AIRIM: variants seen among roughly 807,000 people sequenced by gnomAD.
The protein encoded by AIRIM is AFG2 interacting ribosome maturation factor, also known as AFG2-interacting ribosome maturation factor.
the AIRIM span, chr1:37,686,162 G>A: frequency 4.7e-6 from 5 of 1,064,042 alleles, no homozygotes; most frequent in Non-Finnish European, 6.6e-6. Flanking sequence ...TCCAAGTTCA[G>A]GAACCAAAGA....
At chr1:37,687,903 A>G in the AIRIM span, among the ~76,000 whole-genome samples, 2 of 151,382 alleles carry the variant, frequency 1.3e-5, no homozygotes, top group African/African-American at 4.9e-5. Context: ...TTTCCTTTTC[A>G]TGGAGAATGG....
the AIRIM span, among the ~76,000 whole-genome samples, chr1:37,687,877 C>CT: frequency 2.0e-5 from 3 of 151,548 alleles, no homozygotes; most frequent in Non-Finnish European, 4.4e-5. Context: ...CTGGCCTCAT[C>CT]TTTTTTTTGT....
the AIRIM span, chr1:37,683,276 G>C: frequency 1.9e-6 from 3 of 1,613,174 alleles, no homozygotes; most frequent in Non-Finnish European, 2.5e-6. Context: ...CACAGGGAGA[G>C]AAAGGAGGAG....
the AIRIM span, among the ~76,000 whole-genome samples, chr1:37,685,248 G>A: frequency 1.5e-3 from 228 of 148,884 alleles, no homozygotes; most frequent in African/African-American, 5.4e-3. Context: ...CTGTCACCTA[G>A]GCTGGTGATC....
the AIRIM span, chr1:37,683,513 G>A: frequency 6.5e-7 from 1 of 1,528,530 alleles, no homozygotes. Flanking sequence ...GTGAGAACCA[G>A]AGGGAGCCAT....
chr1:37,690,862 C>T, the AIRIM span, among the ~76,000 whole-genome samples: 2 of 152,196 alleles, frequency 1.3e-5, no homozygotes, highest in African/African-American at 4.8e-5. Context: ...TAGTAAATCA[C>T]GGGCTCCTGA....
chr1:37,689,981 T>C, the AIRIM span: 3 of 1,451,400 alleles, frequency 2.1e-6, no homozygotes, highest in South Asian at 2.9e-5. Context: ...TGTTATCGTG[T>C]TCAGACAGGA....
At chr1:37,689,771 G>A in the AIRIM span, 3 of 1,613,476 alleles carry the variant, frequency 1.9e-6, no homozygotes, top group Non-Finnish European at 2.5e-6. Flanking sequence ...GGACAGGAGG[G>A]GCTGGCAGTC....
At chr1:37,682,478 A>G in the AIRIM span, 17 of 152,762 alleles carry the variant, frequency 1.1e-4, no homozygotes, top group African/African-American at 4.1e-4. Flanking sequence ...CACCATGCCC[A>G]GTTACTTCCT....
the AIRIM span, chr1:37,690,067 A>G: frequency 1.4e-6 from 2 of 1,402,862 alleles, no homozygotes; most frequent in Non-Finnish European, 1.9e-6. Flanking sequence ...CCCAGGCTGG[A>G]GTGCAGTGGC....
chr1:37,689,824 G>A, the AIRIM span: 30 of 1,604,374 alleles, frequency 1.9e-5, no homozygotes, highest in Middle Eastern at 1.7e-4. Flanking sequence ...CCTCCACCAC[G>A]GGGAAGCACT....
chr1:37,687,059 A>AGTGTGTGT, the AIRIM span, among the ~76,000 whole-genome samples: 10 of 141,400 alleles, frequency 7.1e-5, no homozygotes, highest in East Asian at 2.1e-4. Flanking sequence ...CCGTCTCAAA[A>AGTGTGTGT]GTGTGTGTGT....
chr1:37,686,405 C>T, the AIRIM span: 15 of 1,614,084 alleles, frequency 9.3e-6, no homozygotes, highest in Non-Finnish European at 1.3e-5. Context: ...CTGAAACACT[C>T]GCTCCACATG....
chr1:37,689,570 C>T, the AIRIM span: 5 of 1,534,182 alleles, frequency 3.3e-6, no homozygotes, highest in South Asian at 5.0e-5. Context: ...GTTTTAAAAT[C>T]CTTCCACCAA....
At chr1:37,690,028 T>G in the AIRIM span, 3 of 1,419,302 alleles carry the variant, frequency 2.1e-6, no homozygotes, top group South Asian at 3.1e-5. Context: ...TTTTTTTTGT[T>G]TTTTTTTCGA....
the AIRIM span, chr1:37,689,543 T>A: frequency 6.7e-7 from 1 of 1,501,616 alleles, no homozygotes; most frequent in Non-Finnish European, 9.0e-7. Flanking sequence ...TGACACTAGC[T>A]ACATATAAAA....
At chr1:37,687,191 G>A in the AIRIM span, among the ~76,000 whole-genome samples, 16 of 151,438 alleles carry the variant, frequency 1.1e-4, no homozygotes, top group Admixed American at 2.0e-4. Context: ...GCAATGGTGC[G>A]ATCTTGGCTC....
chr1:37,682,990 C>T, the AIRIM span: 1 of 926,368 alleles, frequency 1.1e-6, no homozygotes, highest in South Asian at 1.6e-5. Context: ...CCCCAAGACC[C>T]AGTCCTAAGG....
At chr1:37,681,968 G>C in the AIRIM span, 7 of 152,216 alleles carry the variant, frequency 4.6e-5, no homozygotes, top group Non-Finnish European at 4.4e-5. Flanking sequence ...GCTCATGCCT[G>C]TATTTCCAAT....
Sources: gnomAD v4.1 joint callset for allele counts (sites outside exome capture counted in the v4.1 genomes callset) on GRCh38, gnomAD v4.1.1 for gene constraint, MANE v1.5 for transcripts, NCBI Gene and HGNC (gene_info 2026-07-23, HGNC 2026-07-21) for gene names.